The following SEMA3A variants were observed in gnomAD, a reference collection of about 807,000 sequenced individuals.
The protein encoded by SEMA3A is semaphorin-3A.
A neutral mutation model predicts 97.9 loss-of-function variants in SEMA3A; 29 were observed. The ratio of observed to expected loss-of-function variants is 0.30; its 90% CI spans 0.22 to 0.40. The LOEUF (loss-of-function observed/expected upper bound fraction) is 0.40, where lower values mean the gene tolerates loss of function less well. Ranked by LOEUF, SEMA3A falls within the 10% of genes least tolerant of loss-of-function variation. The pLI, the probability that SEMA3A is intolerant of heterozygous loss-of-function variation, is 1.00. For missense variants in SEMA3A, 763 were observed against 951.3 expected (o/e 0.80, Z 2.60); for synonymous variants, 321 against 323.7 (o/e 0.99, Z 0.09).
chr7:84,004,323 A>T (rs889448816), intron 11 of SEMA3A, among the ~76,000 whole-genome samples: 3 of 152,108 alleles, frequency 2.0e-5, no homozygotes, highest in Non-Finnish European at 4.4e-5. Context: ...AATATACCTG[A>T]AAAAGTCTGT....
intron 1 of SEMA3A, among the ~76,000 whole-genome samples, chr7:84,194,262 G>A (rs1434237810): frequency 1.3e-5 from 2 of 152,052 alleles, no homozygotes; most frequent in East Asian, 1.9e-4. Context: ...GTGATTAAAT[G>A]TTCTTTGTTT....
intron 3 of SEMA3A, among the ~76,000 whole-genome samples, chr7:84,208,343 T>G (rs1239910245): frequency 2.0e-5 from 3 of 150,992 alleles, no homozygotes; most frequent in Admixed American, 2.0e-4. Context: ...TCCCAGCTAC[T>G]GGGGAGGCTG....
At chr7:83,981,918 A>AGTGT (rs1327132823) in intron 13 of SEMA3A, among the ~76,000 whole-genome samples, 5 of 152,144 alleles carry the variant, frequency 3.3e-5, no homozygotes, top group Non-Finnish European at 7.4e-5. Context: ...CCTGTGATGG[A>AGTGT]GTGTGCCCTT....
chr7:84,232,455 TCA>T (rs377089583), intron 3 of SEMA3A, among the ~76,000 whole-genome samples: 8 of 147,672 alleles, frequency 5.4e-5, no homozygotes, highest in Non-Finnish European at 7.5e-5. Context: ...TCTCTCTCTG[TCA>T]CACACACACA....
rs73711505 is a variant in SEMA3A, at chr7:84,280,387, T to C, written c.-83+26820A>G. ...AAAAGACCACTGTACCACGGCAATT[T>C]ATTTCAGAATTAAAGTTACACCATG... On this transcript the variant is annotated intron_variant, in intron 3 of 3. Coordinates refer to the SEMA3A transcript ENST00000424555. 1.4e-3 allele frequency among the ~76,000 whole-genome samples: 208 copies of C among 152,316 alleles called. 1 individual carries two copies. The highest frequency in any genetic ancestry group is 4.8e-3 in the African/African-American group (198 of 41,582).
At chr7:84,474,022 A>G (rs1351082276) in intron 1 of SEMA3A, among the ~76,000 whole-genome samples, 1 of 152,190 alleles carries the variant, frequency 6.6e-6, no homozygotes, top group African/African-American at 2.4e-5. Context: ...CATCACTGCA[A>G]CAATGGCTTT....
chr7:84,453,028 A>G (rs994564737), intron 1 of SEMA3A, among the ~76,000 whole-genome samples: 3 of 152,140 alleles, frequency 2.0e-5, no homozygotes, highest in Non-Finnish European at 4.4e-5. Flanking sequence ...TTTTACTAGT[A>G]ATAGCTTTAA....
chr7:84,057,417 G>T (rs1226627522), intron 5 of SEMA3A, among the ~76,000 whole-genome samples: 1 of 152,026 alleles, frequency 6.6e-6, no homozygotes, highest in African/African-American at 2.4e-5. Flanking sequence ...TTTAGTAAAA[G>T]ATTTTTTAAA....
chr7:84,165,552 A>G, intron 1 of SEMA3A, among the ~76,000 whole-genome samples: 1 of 151,904 alleles, frequency 6.6e-6, no homozygotes, highest in East Asian at 1.9e-4. Flanking sequence ...GGTTATATAT[A>G]CCAGTACCTT....
At chr7:84,324,860 C>T (rs1801734304) in intron 2 of SEMA3A, among the ~76,000 whole-genome samples, 1 of 152,058 alleles carries the variant, frequency 6.6e-6, no homozygotes, top group African/African-American at 2.4e-5. Context: ...TTTCAACATT[C>T]AACAAATACT....
At chr7:84,484,654 T>C (rs1410076160) in intron 1 of SEMA3A, among the ~76,000 whole-genome samples, 1 of 152,102 alleles carries the variant, frequency 6.6e-6, no homozygotes. Context: ...TGTAAAAATA[T>C]AGCATTTCCG....
chr7:84,292,935 T>C (rs989609523), intron 3 of SEMA3A, among the ~76,000 whole-genome samples: 1 of 152,068 alleles, frequency 6.6e-6, no homozygotes, highest in Non-Finnish European at 1.5e-5. Flanking sequence ...GAGGCCTAAA[T>C]GGTAAATATA....
At position 83,961,608 on chromosome 7, in the gene SEMA3A, A is replaced by T. The variant is rs774218419; in HGVS notation, c.2079T>A (p.Asn693Lys). The change falls in exon 17 of 17, where the codon AAT (asparagine) becomes AAA (lysine). Residue 693 changes from asparagine (N) to lysine (K), a missense_variant. Asn to Lys is a moderately conservative substitution (Grantham distance 94). Coordinates refer to ENST00000265362, the MANE Select transcript of SEMA3A (RefSeq NM_006080.3). ...AGACCTTCTGGCTAGGTGTCATGCT[A>T]TTGGACATTTCTTTGGTCTTAGAGC... ...GDGSKTKEMSNSMTPSQKVWY... is the reference protein window; with the variant it reads ...GDGSKTKEMSKSMTPSQKVWY... 2 of 1,614,038 alleles carry T rather than the reference A, an allele frequency of 1.2e-6. No homozygotes were observed. Among genetic ancestry groups the T allele is most frequent in the Middle Eastern group, 1.6e-4 (1 of 6,062 alleles).
At chr7:84,140,055 A>G (rs1796252866) in intron 1 of SEMA3A, among the ~76,000 whole-genome samples, 1 of 152,090 alleles carries the variant, frequency 6.6e-6, no homozygotes, top group Non-Finnish European at 1.5e-5. Context: ...TTGAGATATT[A>G]ATGGTTGTTT....
At chr7:84,486,045 A>C (rs1367754533) in intron 1 of SEMA3A, among the ~76,000 whole-genome samples, 1 of 152,334 alleles carries the variant, frequency 6.6e-6, no homozygotes, top group Non-Finnish European at 1.5e-5. Flanking sequence ...AATATCATTA[A>C]ACATATTTTA....
At chr7:84,134,690 A>C (rs568372092) in intron 2 of SEMA3A, 104 bp downstream of exon 2, 13 of 893,872 alleles carry the variant, frequency 1.5e-5, no homozygotes, top group Non-Finnish European at 2.1e-5. Flanking sequence ...CTATTAATTC[A>C]AAACAATTTT....
At chr7:83,972,442 A>G (rs1183323430) in intron 15 of SEMA3A, among the ~76,000 whole-genome samples, 1 of 152,104 alleles carries the variant, frequency 6.6e-6, no homozygotes, top group Non-Finnish European at 1.5e-5. Context: ...TCATGATTTT[A>G]TAGCAAATGC....
intron 2 of SEMA3A, among the ~76,000 whole-genome samples, chr7:84,369,200 A>G (rs1266838668): frequency 6.6e-6 from 1 of 150,988 alleles, no homozygotes; most frequent in African/African-American, 2.4e-5. Context: ...TGAATTTGGG[A>G]TGTCTGGAAT....
chr7:84,023,915 G>T (rs1453285299), intron 6 of SEMA3A, among the ~76,000 whole-genome samples: 1 of 151,818 alleles, frequency 6.6e-6, no homozygotes. Context: ...GGGAGGCTGA[G>T]GCAGGAGAAT....
Sources: allele counts gnomAD v4.1 joint callset (sites outside exome capture counted in the v4.1 genomes callset), GRCh38; gene constraint gnomAD v4.1.1; transcripts MANE v1.5; gene names NCBI Gene and HGNC (gene_info 2026-07-23, HGNC 2026-07-21).